The following DDX42 variants were observed in gnomAD, a reference collection of about 807,000 sequenced individuals.
DDX42 encodes the protein DEAD-box helicase 42.
In DDX42, 22 loss-of-function variants were observed where a neutral mutation model predicts 101.5. The ratio of observed to expected loss-of-function variants is 0.22; its 90% CI spans 0.15 to 0.31. DDX42 has a LOEUF of 0.31. DDX42 is among the 10% of genes least tolerant of loss of function. The probability of loss-of-function intolerance (pLI) is 1.00; values close to 1 mark genes in which losing one functional copy is unlikely to be tolerated. For missense variants in DDX42, 849 were observed against 1,199.9 expected (o/e 0.71, Z 4.32); for synonymous variants, 402 against 401.2 (o/e 1.00, Z -0.02).
At chr17:63,811,899 T>G in intron 13 of DDX42, 33 bp from the exon 14 acceptor site, 1 of 1,613,898 alleles carries the variant, frequency 6.2e-7, no homozygotes, top group Non-Finnish European at 8.5e-7. Context: ...GGCTCCAATG[T>G]CACAATCATC....
intron 11 of DDX42, chr17:63,810,251 A>ATTTTTTTTTTTTTTTTT (rs11450730): frequency 3.3e-5 from 4 of 120,910 alleles, no homozygotes; most frequent in African/African-American, 6.5e-5. Flanking sequence ...CAGCCTGGCT[A>ATTTTTTTTTTTTTTTTT]TTTTTTTTTT....
At chr17:63,798,167 C>A in intron 4 of DDX42, 68 bp downstream of exon 4, 1 of 1,463,772 alleles carries the variant, frequency 6.8e-7, no homozygotes, top group Non-Finnish European at 9.5e-7. Context: ...AGTCTATTCC[C>A]CCAAAGTTTA....
chr17:63,783,235 A>T (rs778983670), intron 1 of DDX42, among the ~76,000 whole-genome samples: 1 of 152,184 alleles, frequency 6.6e-6, no homozygotes, highest in Non-Finnish European at 1.5e-5. Context: ...TCTTTCATGT[A>T]TGAATGCCTA....
At chr17:63,804,988 G>A in intron 6 of DDX42, 83 bp from the exon 7 acceptor site, 2 of 1,494,920 alleles carry the variant, frequency 1.3e-6, no homozygotes, top group Middle Eastern at 1.8e-4. Context: ...TGTAAAATTT[G>A]GAAAAGATTA....
intron 5 of DDX42, 100 bp downstream of exon 5, chr17:63,799,725 C>A: frequency 8.4e-7 from 1 of 1,197,286 alleles, no homozygotes; most frequent in Non-Finnish European, 1.2e-6. Context: ...CCATTCCTGA[C>A]ATTCAGCAGG....
At chr17:63,785,322 C>A (rs1045753268) in intron 1 of DDX42, among the ~76,000 whole-genome samples, 1 of 151,382 alleles carries the variant, frequency 6.6e-6, no homozygotes, top group Non-Finnish European at 1.5e-5. Context: ...TGGTGGTGCA[C>A]ACTTGTAATC....
intron 8 of DDX42, among the ~76,000 whole-genome samples, 190 bp from the exon 9 acceptor site, chr17:63,807,534 A>G (rs1486214096): frequency 1.3e-5 from 2 of 152,238 alleles, no homozygotes; most frequent in East Asian, 1.9e-4. Context: ...GTCATTTCCT[A>G]TAAATCAAGA....
Position 63,797,327 on chromosome 17 carries a change from G to A in DDX42, c.373-711G>A, listed in dbSNP as rs537930208. 4.3e-3 allele frequency among the ~76,000 whole-genome samples: 580 copies of A among 135,492 alleles called. 2 individuals are homozygous for A. The highest frequency in any genetic ancestry group is 7.5e-3 in the Non-Finnish European group (490 of 65,556). 88.9% of individuals were successfully genotyped at this position (135,492 alleles called of 152,430 possible). On this transcript the variant is annotated intron_variant, in intron 3 of 17. Transcript: ENST00000389924. ...AGATGGTGCCATTGCACTCCAGCCT[G>A]GGCAACGAGAGCGAAACTCCATCTC...
Position 63,792,505 on chromosome 17 carries a change from G to A in DDX42, c.315G>A (p.Lys105=). The change falls in exon 3 of 18, where the codon AAG becomes AAA. Residue 105 remains lysine (K), a synonymous_variant. Transcript: ENST00000389924. ...CAACTCGCCAGCAATTCCATTCCAA[G>A]CCAGTAGATTCTGACAGCGATGATG... is the stretch of plus-strand genomic sequence containing the variant. ...NSPTRQQFHS[K]PVDSDSDDDP... 1.2e-6 allele frequency: 2 copies of A among 1,613,872 alleles called. No individual in the cohort carries two copies. The highest frequency in any genetic ancestry group is 8.5e-7 in the Non-Finnish European group (1 of 1,179,904).
chr17:63,784,977 T>C (rs948182847), intron 1 of DDX42, among the ~76,000 whole-genome samples: 15 of 152,184 alleles, frequency 9.9e-5, no homozygotes, highest in African/African-American at 3.4e-4. Flanking sequence ...AGTATATCAT[T>C]AGGTGAAGAA....
chr17:63,809,073 A>T, intron 10 of DDX42, 125 bp downstream of exon 10: 1 of 1,358,542 alleles, frequency 7.4e-7, no homozygotes, highest in Non-Finnish European at 1.0e-6. Flanking sequence ...GATGAACGGC[A>T]GGCTGTGGTT....
intron 6 of DDX42, among the ~76,000 whole-genome samples, chr17:63,803,915 G>A (rs993856639): frequency 6.6e-6 from 1 of 152,090 alleles, no homozygotes; most frequent in Non-Finnish European, 1.5e-5. Flanking sequence ...CTCCCAAAGT[G>A]CTGGGATTAC....
At chr17:63,783,203 C>G (rs2039509502) in intron 1 of DDX42, among the ~76,000 whole-genome samples, 1 of 152,192 alleles carries the variant, frequency 6.6e-6, no homozygotes, top group South Asian at 2.1e-4. Flanking sequence ...GCACTGTCTA[C>G]TCCTTGAGAA....
At chr17:63,788,999 G>A (rs2144540455) in intron 2 of DDX42, among the ~76,000 whole-genome samples, 1 of 151,930 alleles carries the variant, frequency 6.6e-6, no homozygotes, top group African/African-American at 2.4e-5. Flanking sequence ...GGCTAAAGCA[G>A]TTAAGCAGTT....
intron 6 of DDX42, 45 bp from the exon 7 acceptor site, chr17:63,805,026 T>C (rs2039821738): frequency 1.0e-5 from 16 of 1,564,938 alleles, no homozygotes; most frequent in Middle Eastern, 1.7e-4. Context: ...ACTTACAGAA[T>C]TGACTCTTGA....
At chr17:63,805,402 C>A in intron 7 of DDX42, 1 of 494,508 alleles carries the variant, frequency 2.0e-6, no homozygotes, top group Non-Finnish European at 3.4e-6. Flanking sequence ...ATATTTCAGT[C>A]AGTTTTATAT....
intron 1 of DDX42, among the ~76,000 whole-genome samples, chr17:63,777,176 G>A (rs567785964): frequency 3.9e-4 from 60 of 152,174 alleles, no homozygotes; most frequent in African/African-American, 1.4e-3. Flanking sequence ...CCCAAAGGGC[G>A]AGGATTACAG....
At chr17:63,780,934 T>C (rs2039480606) in intron 1 of DDX42, among the ~76,000 whole-genome samples, 1 of 152,246 alleles carries the variant, frequency 6.6e-6, no homozygotes, top group African/African-American at 2.4e-5. Context: ...GACTTTTTTC[T>C]GTCATTTTGC....
At chr17:63,785,022 TTTTAA>T (rs1438853280) in intron 1 of DDX42, among the ~76,000 whole-genome samples, 1 of 152,170 alleles carries the variant, frequency 6.6e-6, no homozygotes, top group Non-Finnish European at 1.5e-5. Context: ...TGGTTTCAAT[TTTTAA>T]TTTGTGTGTA....
Sources: allele counts gnomAD v4.1 joint callset (sites outside exome capture counted in the v4.1 genomes callset), GRCh38; gene constraint gnomAD v4.1.1; transcripts MANE v1.5; gene names NCBI Gene and HGNC (gene_info 2026-07-23, HGNC 2026-07-21).